Variants in NDRG3 observed in about 807,000 individuals in gnomAD.
The protein encoded by NDRG3 is protein NDRG3.
NDRG3 carries 23 observed loss-of-function variants against 57.2 expected under a neutral mutation model. The ratio of observed to expected loss-of-function variants is 0.40; its 90% CI spans 0.29 to 0.57. NDRG3 has a LOEUF of 0.57. NDRG3 is among the 20% of genes least tolerant of loss of function. The pLI is 0.42. For missense variants in NDRG3, 384 were observed against 457.3 expected (o/e 0.84, Z 1.46); for synonymous variants, 132 against 162.6 (o/e 0.81, Z 1.43).
intron 2 of NDRG3, among the ~76,000 whole-genome samples, chr20:36,714,747 G>A (rs1314026077): frequency 6.6e-6 from 1 of 151,318 alleles, no homozygotes; most frequent in African/African-American, 2.4e-5. Flanking sequence ...CCAAGTAGCT[G>A]GGACTACAGG....
At position 36,686,650 on chromosome 20, in the gene NDRG3, C is replaced by T. The variant is rs1385619807; in HGVS notation, c.320+842G>A. 4.6e-5 allele frequency among the ~76,000 whole-genome samples: 7 copies of T among 152,136 alleles called. No individual in the cohort carries two copies. In the South Asian group the frequency reaches 8.3e-4, roughly 18 times the overall value. ...GTAGGGAGCCTATGACTCTGCCCTG[C>T]GAAGCAGATGTAGGAGGAAGCTGAG... On this transcript the variant is annotated intron_variant, in intron 5 of 15. Coordinates refer to ENST00000349004, the MANE Select transcript of NDRG3 (RefSeq NM_032013.4).
At chr20:36,703,774 A>G (rs1211067369) in intron 3 of NDRG3, among the ~76,000 whole-genome samples, 1 of 152,162 alleles carries the variant, frequency 6.6e-6, no homozygotes. Flanking sequence ...TCAGAACAGA[A>G]CTAAAAGTTC....
chr20:36,680,534 ACTGTTT>A (rs1981184777), intron 8 of NDRG3, among the ~76,000 whole-genome samples: 1 of 152,054 alleles, frequency 6.6e-6, no homozygotes, highest in Non-Finnish European at 1.5e-5. Context: ...AACAGATAAA[ACTGTTT>A]AAAAACAGAT....
intron 1 of NDRG3, among the ~76,000 whole-genome samples, chr20:36,729,181 A>G (rs2148212606): frequency 1.3e-5 from 2 of 152,272 alleles, no homozygotes. Flanking sequence ...TCCTATACAT[A>G]CCAACGACTC....
intron 2 of NDRG3, among the ~76,000 whole-genome samples, chr20:36,720,773 CTTT>C (rs373924170): frequency 4.3e-5 from 6 of 140,908 alleles, no homozygotes; most frequent in Non-Finnish European, 4.7e-5. Flanking sequence ...TTTTTCTTTT[CTTT>C]TTTTTTTTTT....
intron 1 of NDRG3, among the ~76,000 whole-genome samples, chr20:36,736,781 G>T (rs1037778882): frequency 3.9e-5 from 6 of 152,080 alleles, no homozygotes; most frequent in African/African-American, 1.4e-4. Context: ...CTGCATAAAG[G>T]AAAGTCTGGG....
intron 2 of NDRG3, among the ~76,000 whole-genome samples, chr20:36,718,018 G>A (rs1478911113): frequency 6.6e-6 from 1 of 152,210 alleles, no homozygotes; most frequent in Admixed American, 6.5e-5. Context: ...CTCAATAGGA[G>A]TAAGCTACTT....
At chr20:36,693,621 G>C (rs1472021142) in intron 3 of NDRG3, among the ~76,000 whole-genome samples, 1 of 151,830 alleles carries the variant, frequency 6.6e-6, no homozygotes, top group Non-Finnish European at 1.5e-5. Context: ...TGCACTGCCT[G>C]AGCTCTACCT....
At chr20:36,718,489 A>C (rs1426345417) in intron 2 of NDRG3, among the ~76,000 whole-genome samples, 1 of 152,208 alleles carries the variant, frequency 6.6e-6, no homozygotes, top group Admixed American at 6.5e-5. Context: ...GTCATAACAA[A>C]ATAACATAGA....
At chr20:36,730,062 C>T (rs564317965) in intron 1 of NDRG3, among the ~76,000 whole-genome samples, 58 of 151,508 alleles carry the variant, frequency 3.8e-4, no homozygotes, top group Non-Finnish European at 7.1e-4. Context: ...GCCTGGCCAA[C>T]GTGGTGAAAC....
chr20:36,711,483 T>C (rs565733978), intron 2 of NDRG3, among the ~76,000 whole-genome samples: 21 of 152,124 alleles, frequency 1.4e-4, no homozygotes, highest in Non-Finnish European at 2.6e-4. Context: ...TCATAGAATA[T>C]AGAGCCACAA....
intron 1 of NDRG3, among the ~76,000 whole-genome samples, chr20:36,723,086 C>G (rs1478493627): frequency 7.2e-5 from 11 of 152,202 alleles, no homozygotes. Flanking sequence ...GCTACAGCCC[C>G]AGGGACACCT....
At chr20:36,726,727 G>A (rs1019878054) in intron 1 of NDRG3, among the ~76,000 whole-genome samples, 1 of 152,056 alleles carries the variant, frequency 6.6e-6, no homozygotes, top group Admixed American at 6.6e-5. Flanking sequence ...CTGTTTCCTA[G>A]TCATATGAGT....
At chr20:36,697,309 T>A (rs1299034661) in intron 3 of NDRG3, among the ~76,000 whole-genome samples, 1 of 152,198 alleles carries the variant, frequency 6.6e-6, no homozygotes, top group Non-Finnish European at 1.5e-5. Context: ...AGTTAGCCCA[T>A]CCCTTCATGC....
chr20:36,731,882 TTTG>T (rs1985306786), intron 1 of NDRG3, among the ~76,000 whole-genome samples: 3 of 151,698 alleles, frequency 2.0e-5, no homozygotes, highest in African/African-American at 7.3e-5. Flanking sequence ...ATCCCAGCAC[TTTG>T]GGAGGTGGGA....
intron 2 of NDRG3, 69 bp downstream of exon 2, chr20:36,721,610 T>G: frequency 2.3e-6 from 2 of 888,770 alleles, no homozygotes; most frequent in Non-Finnish European, 3.7e-6. Flanking sequence ...ATTTAGATGA[T>G]ACAGAAAATG....
intron 8 of NDRG3, among the ~76,000 whole-genome samples, chr20:36,680,520 A>G (rs1460359240): frequency 6.6e-6 from 1 of 151,752 alleles, no homozygotes; most frequent in African/African-American, 2.4e-5. Flanking sequence ...TATGATTCCA[A>G]TTTAACAGAT....
intron 1 of NDRG3, among the ~76,000 whole-genome samples, chr20:36,728,986 C>T (rs1334547520): frequency 1.3e-5 from 2 of 151,992 alleles, no homozygotes; most frequent in African/African-American, 2.4e-5. Context: ...CCTCCCAAAG[C>T]GCTGGGATTA....
In NDRG3 at chr20:36,684,312, A is replaced by G; in HGVS notation, c.383+101T>C. On this transcript the variant is annotated intron_variant, in intron 6 of 15. Coordinates refer to ENST00000349004, the MANE Select transcript of NDRG3 (RefSeq NM_032013.4). ...CCCACTAAGCTCTAGGAGGACAGTG[A>G]TAATATTTTTCCTAACCATCATATC... is the stretch of plus-strand genomic sequence containing the variant. The G allele has an allele frequency of 3.2e-6, 3 of 929,344 alleles. 1 individual carries two copies. The highest frequency in any genetic ancestry group is 2.8e-5 in the South Asian group (2 of 70,986). 57.6% of individuals were successfully genotyped at this position (929,344 alleles called of 1,614,324 possible).
Sources: gnomAD v4.1 joint callset for allele counts (sites outside exome capture counted in the v4.1 genomes callset) on GRCh38, gnomAD v4.1.1 for gene constraint, MANE v1.5 for transcripts, NCBI Gene and HGNC (gene_info 2026-07-23, HGNC 2026-07-21) for gene names.